The following LAMA2 variants were observed in gnomAD, a reference collection of about 807,000 sequenced individuals.
LAMA2 encodes the protein laminin subunit alpha-2.
LAMA2 carries 269 observed loss-of-function variants against 364.8 expected under a neutral mutation model. The ratio of observed to expected loss-of-function variants is 0.74; its 90% confidence interval spans 0.67 to 0.82. LAMA2 has a LOEUF of 0.82. Among genes scored for constraint, LAMA2 ranks in the 40% least tolerant of loss-of-function variants. The probability of loss-of-function intolerance (pLI) is 0.00; values close to 1 mark genes in which losing one functional copy is unlikely to be tolerated. For missense variants in LAMA2, 3,807 were observed against 3,873.2 expected (o/e 0.98, Z 0.45); for synonymous variants, 1,379 against 1,370.6 (o/e 1.01, Z -0.14).
chr6:129,077,445 A>G (rs1773733530), intron 3 of LAMA2, among the ~76,000 whole-genome samples: 2 of 152,138 alleles, frequency 1.3e-5, no homozygotes, highest in Middle Eastern at 3.4e-3. Flanking sequence ...AATTTATCAC[A>G]GTATACATAA....
chr6:129,315,627 A>G lies in LAMA2; in HGVS notation c.3707A>G (p.Lys1236Arg). Residue 1236 changes from lysine to arginine, a missense_variant, in exon 25 of 65, where the codon AAA becomes AGA. Lys to Arg is a conservative substitution (Grantham distance 26). This residue lies in a region of LAMA2 where 3,333 missense variants were observed against 3,345.7 expected (regional missense o/e 1.00). Transcript: ENST00000421865. ...EDLHLEPFYW[K>R]LPEQFEGKKL... ...CTCCATTTGGAACCTTTTTATTGGA[A>G]ACTTCCAGAACAATTTGAAGGAAAG... 1.9e-6 allele frequency: 3 copies of G among 1,614,202 alleles called. No individual in the cohort carries two copies. Among genetic ancestry groups the G allele is most frequent in the Non-Finnish European group, 2.5e-6 (3 of 1,180,026 alleles).
At chr6:129,511,945 GT>G (rs1024791822) in intron 62 of LAMA2, among the ~76,000 whole-genome samples, 1 of 152,206 alleles carries the variant, frequency 6.6e-6, no homozygotes, top group Admixed American at 6.5e-5. Context: ...TAACTGAAAT[GT>G]TTTTCTTTAC....
intron 1 of LAMA2, among the ~76,000 whole-genome samples, chr6:129,042,030 C>T (rs889337903): frequency 2.0e-5 from 3 of 147,096 alleles, no homozygotes; most frequent in South Asian, 2.1e-4. Flanking sequence ...TAATGCCAGG[C>T]GTGGTGACTC....
chr6:129,063,201 A>G (rs1482838810), intron 3 of LAMA2, among the ~76,000 whole-genome samples: 2 of 152,110 alleles, frequency 1.3e-5, no homozygotes, highest in African/African-American at 2.4e-5. Context: ...CCATCTCACA[A>G]TTACAGCTAT....
chr6:129,341,400 A>G (rs780410286), intron 29 of LAMA2, among the ~76,000 whole-genome samples: 1 of 152,148 alleles, frequency 6.6e-6, no homozygotes, highest in Non-Finnish European at 1.5e-5. Context: ...GACCACTCCA[A>G]ATCCTGTCTT....
intron 40 of LAMA2, among the ~76,000 whole-genome samples, chr6:129,412,509 A>G (rs984920298): frequency 5.9e-5 from 9 of 152,212 alleles, no homozygotes; most frequent in African/African-American, 2.2e-4. Context: ...AGAAAAAAAT[A>G]AAGAAATGTG....
intron 15 of LAMA2, among the ~76,000 whole-genome samples, chr6:129,262,316 G>T (rs563959340): frequency 5.1e-4 from 78 of 152,084 alleles, no homozygotes; most frequent in African/African-American, 1.9e-3. Context: ...TGAAAAATGG[G>T]ATCTCAGCAC....
chr6:129,260,653 A>C (rs1009244929), intron 14 of LAMA2, 58 bp from the exon 15 acceptor site: 2 of 1,004,654 alleles, frequency 2.0e-6, no homozygotes, highest in Middle Eastern at 2.1e-4. Flanking sequence ...CGATTCCTAC[A>C]GCTGTATAAT....
At chr6:129,440,419 C>T (rs1043937307) in intron 42 of LAMA2, among the ~76,000 whole-genome samples, 3 of 151,856 alleles carry the variant, frequency 2.0e-5, no homozygotes, top group East Asian at 1.9e-4. Context: ...AATGAAAATA[C>T]GTTAGTTTCC....
intron 3 of LAMA2, among the ~76,000 whole-genome samples, chr6:129,068,130 TAA>T (rs1773059889): frequency 6.6e-6 from 1 of 152,220 alleles, no homozygotes; most frequent in African/African-American, 2.4e-5. Context: ...GTGTTTGTAT[TAA>T]GTTAATAAAT....
chr6:129,175,615 C>T (rs1404635220), intron 9 of LAMA2, among the ~76,000 whole-genome samples: 1 of 152,136 alleles, frequency 6.6e-6, no homozygotes, highest in Non-Finnish European at 1.5e-5. Flanking sequence ...ACCGCATGTT[C>T]TTACTCGTAA....
intron 20 of LAMA2, among the ~76,000 whole-genome samples, chr6:129,295,961 G>T (rs1357607920): frequency 6.6e-6 from 1 of 151,490 alleles, no homozygotes; most frequent in Non-Finnish European, 1.5e-5. Context: ...ATGTATTTCT[G>T]TTTCTGTTTG....
At chr6:128,925,814 T>A (rs1779053673) in intron 1 of LAMA2, among the ~76,000 whole-genome samples, 1 of 151,696 alleles carries the variant, frequency 6.6e-6, no homozygotes, top group African/African-American at 2.4e-5. Context: ...TATTCTTTGA[T>A]TCATTTTTTT....
At position 129,354,236 on chromosome 6, in the gene LAMA2, A is replaced by G. The variant is rs116835118; in HGVS notation, c.4717+879A>G. Among the ~76,000 whole-genome samples the G allele has an allele frequency of 8.7e-3, 1,318 of 152,300 alleles. 13 individuals carry two copies. Among genetic ancestry groups the G allele is most frequent in the African/African-American group, 0.03 (1,261 of 41,576 alleles). On this transcript the variant is annotated intron_variant, in intron 32 of 64. Coordinates refer to ENST00000421865, the MANE Select transcript of LAMA2 (RefSeq NM_000426.4). ...GAATTTTTGTTTATGTTCTAGTTTT[A>G]TAAGAGTTAACCTCAGAAGCTAAAG...
At chr6:129,008,427 T>C (rs576580276) in intron 1 of LAMA2, among the ~76,000 whole-genome samples, 61 of 152,300 alleles carry the variant, frequency 4.0e-4, no homozygotes, top group African/African-American at 1.4e-3. Flanking sequence ...AGTAGTCCTA[T>C]GACTGCTGGA....
At chr6:129,019,041 A>G (rs1269776180) in intron 1 of LAMA2, among the ~76,000 whole-genome samples, 4 of 152,078 alleles carry the variant, frequency 2.6e-5, no homozygotes. Context: ...TTCTGCCTGA[A>G]TTAGGATTGA....
chr6:129,215,073 C>T (rs1010081381), intron 12 of LAMA2, among the ~76,000 whole-genome samples: 1 of 152,092 alleles, frequency 6.6e-6, no homozygotes, highest in Non-Finnish European at 1.5e-5. Flanking sequence ...TTCCAATTTT[C>T]TTTGCTAATA....
At chr6:128,920,148 G>T (rs1778597632) in intron 1 of LAMA2, among the ~76,000 whole-genome samples, 1 of 151,178 alleles carries the variant, frequency 6.6e-6, no homozygotes, top group Non-Finnish European at 1.5e-5. Context: ...CAATTTTCAT[G>T]CTCATTTTTC....
chr6:129,391,829 A>G (rs911565280), intron 36 of LAMA2, among the ~76,000 whole-genome samples, 176 bp downstream of exon 36: 3 of 152,040 alleles, frequency 2.0e-5, no homozygotes, highest in Admixed American at 6.6e-5. Flanking sequence ...TTATCTATCT[A>G]CCATCTATTA....
Sources: gnomAD v4.1 joint callset for allele counts (sites outside exome capture counted in the v4.1 genomes callset) on GRCh38, gnomAD v4.1.1 for gene constraint, gnomAD v4.1.1 regional missense constraint, MANE v1.5 for transcripts, NCBI Gene and HGNC (gene_info 2026-07-23, HGNC 2026-07-21) for gene names.